Variants in DENND2A observed in about 807,000 individuals in gnomAD.
DENND2A encodes the protein DENN domain containing 2A.
Under a neutral mutation model 105.3 loss-of-function variants are expected in DENND2A, and 53 were observed. The observed-to-expected ratio is 0.50, with a 90% CI of 0.40 to 0.63. DENND2A has a LOEUF of 0.63. DENND2A is among the 30% of genes least tolerant of loss of function. The pLI is 0.00. For missense variants in DENND2A, 1,138 were observed against 1,279.6 expected, an observed-to-expected ratio of 0.89 and a Z score of 1.69; for synonymous variants, 522 against 508.4, an observed-to-expected ratio of 1.03 and a Z score of -0.36.
chr7:140,533,429 CCTT>C (rs1796340004), intron 14 of DENND2A, among the ~76,000 whole-genome samples: 1 of 152,166 alleles, frequency 6.6e-6, no homozygotes, highest in African/African-American at 2.4e-5. Context: ...CCCTATGTTG[CCTT>C]CAGTGACAGA....
chr7:140,519,813 T>C (rs556845461), intron 18 of DENND2A, 95 bp from the exon 19 acceptor site: 1 of 1,112,744 alleles, frequency 9.0e-7, no homozygotes, highest in African/African-American at 1.5e-5. Context: ...AGAAACCTTG[T>C]TTCTGAGACT....
chr7:140,527,194 C>A lies in DENND2A; in HGVS notation c.2505+124G>T, dbSNP rs1467061873. 5.6e-6 allele frequency: 6 copies of A among 1,064,832 alleles called. No individual in the cohort carries two copies. Among genetic ancestry groups the A allele is most frequent in the Admixed American group, 3.0e-5 (1 of 33,670 alleles). 66.0% of individuals were successfully genotyped at this position (1,064,832 alleles called of 1,614,324 possible). ...ACCCATGCCAGACAAAGCCCTGGTG[C>A]CCCCACGCCCTGCTCCCCAACACTG... is the stretch of plus-strand genomic sequence containing the variant. On this transcript the variant is annotated intron_variant, in intron 15 of 19. Coordinates refer to ENST00000496613, the MANE Select transcript of DENND2A (RefSeq NM_015689.5). The surrounding 1 kb of genome is among the most constrained non-coding windows in gnomAD (Gnocchi z 4.9).
At position 140,587,796 on chromosome 7, in the gene DENND2A, T is replaced by C. The variant is rs371340218; in HGVS notation, c.996-16A>G. 1 of 1,541,026 alleles carries C rather than the reference T, an allele frequency of 6.5e-7. No homozygotes were observed. Among genetic ancestry groups the C allele is most frequent in the East Asian group, 2.4e-5 (1 of 42,034 alleles). ...ATAGGACTTTCTGGAATGTGCCAGA[T>C]GGGAGGAAAAAACAAAGAATTTGAA... On this transcript the variant is annotated splice_polypyrimidine_tract_variant and intron_variant, in intron 3 of 19. Coordinates refer to ENST00000496613, the MANE Select transcript of DENND2A (RefSeq NM_015689.5).
intron 12 of DENND2A, among the ~76,000 whole-genome samples, chr7:140,552,235 G>C (rs1270191959): frequency 6.6e-6 from 1 of 152,154 alleles, no homozygotes; most frequent in Admixed American, 6.6e-5. Context: ...AGCACTTCTG[G>C]TGGAGGGGAG....
intron 3 of DENND2A, among the ~76,000 whole-genome samples, chr7:140,599,810 A>G (rs1799418068): frequency 6.6e-6 from 1 of 152,154 alleles, no homozygotes; most frequent in African/African-American, 2.4e-5. Context: ...AAAAAAAGAA[A>G]TTATGCTATT....
At position 140,518,511 on chromosome 7, in the gene DENND2A, C is replaced by T; in HGVS notation, c.*196G>A. The T allele has an allele frequency of 4.0e-6, 2 of 494,328 alleles. No homozygotes were observed. Among genetic ancestry groups the T allele is most frequent in the Non-Finnish European group, 7.2e-6 (2 of 276,338 alleles). 30.6% of individuals were successfully genotyped at this position (494,328 alleles called of 1,614,324 possible). On this transcript the variant is annotated 3_prime_UTR_variant, in exon 20 of 20. Transcript: ENST00000496613. ...TGTCGGCGACACGCCTGGTCTCGGGCTCCCTTTCTGGGGCTGTCCTCCCAG... is the reference window on the plus strand; with the variant it reads ...TGTCGGCGACACGCCTGGTCTCGGGTTCCCTTTCTGGGGCTGTCCTCCCAG...
intron 1 of DENND2A, among the ~76,000 whole-genome samples, chr7:140,612,858 T>C (rs1313553101): frequency 6.6e-6 from 1 of 151,870 alleles, no homozygotes; most frequent in Non-Finnish European, 1.5e-5. Context: ...CTCACACCTG[T>C]AATCCCAGCA....
intron 1 of DENND2A, among the ~76,000 whole-genome samples, chr7:140,610,451 G>T (rs1305779817): frequency 5.9e-5 from 9 of 152,094 alleles, no homozygotes; most frequent in Non-Finnish European, 2.9e-5. Flanking sequence ...GAGATCAAGA[G>T]ATCTCATAGT....
intron 9 of DENND2A, among the ~76,000 whole-genome samples, chr7:140,563,772 G>A (rs1344786874): frequency 2.0e-5 from 3 of 148,918 alleles, no homozygotes; most frequent in African/African-American, 5.0e-5. Context: ...TCAGGAATTC[G>A]AGGCCAGCCT....
At chr7:140,602,756 T>C (rs1157400532) in intron 2 of DENND2A, among the ~76,000 whole-genome samples, 1 of 149,870 alleles carries the variant, frequency 6.7e-6, no homozygotes, top group African/African-American at 2.5e-5. Context: ...GAGGATCACT[T>C]GAGGCCAGGA....
chr7:140,534,517 T>G (rs1162579842), intron 14 of DENND2A, among the ~76,000 whole-genome samples: 3 of 152,236 alleles, frequency 2.0e-5, no homozygotes, highest in Non-Finnish European at 4.4e-5. Context: ...TGGATGGAGC[T>G]TGTTTCTCTC....
Position 140,573,811 on chromosome 7 carries a change from G to C in DENND2A, c.1443C>G (p.Pro481=). 2 of 1,613,308 alleles carry C rather than the reference G, an allele frequency of 1.2e-6. No individual in the cohort carries two copies. The highest frequency in any genetic ancestry group is 1.7e-6 in the Non-Finnish European group (2 of 1,179,562). ...PQNGRKKRKI[P]KLVLRINAIY... ...TGAAGCTTGTTGCCACCATTACCTT[G>C]GGTATCTTTCTCTTCTTCCTGCCGT... is the stretch of plus-strand genomic sequence containing the variant. Residue 481 remains proline, a synonymous_variant, in exon 6 of 20, where the codon CCC becomes CCG. Transcript: ENST00000496613.
intron 1 of DENND2A, among the ~76,000 whole-genome samples, chr7:140,607,228 C>T (rs1025091146): frequency 6.6e-6 from 1 of 152,150 alleles, no homozygotes; most frequent in Non-Finnish European, 1.5e-5. Flanking sequence ...CCTGGGCATC[C>T]TCTCCCTCCC....
chr7:140,637,963 CA>C (rs1176662346), intron 1 of DENND2A, among the ~76,000 whole-genome samples: 45 of 152,300 alleles, frequency 3.0e-4, no homozygotes, highest in Admixed American at 2.3e-3. Context: ...TCTGAGATGA[CA>C]CCCAGTCCTC....
intron 9 of DENND2A, among the ~76,000 whole-genome samples, chr7:140,561,549 G>T (rs796412787): frequency 9.6e-4 from 140 of 146,318 alleles, no homozygotes; most frequent in Middle Eastern, 7.0e-3. Flanking sequence ...GCCCAGGCTG[G>T]AGTGCAGTGG....
At chr7:140,578,904 A>G (rs142584572) in intron 5 of DENND2A, among the ~76,000 whole-genome samples, 455 of 152,318 alleles carry the variant, frequency 3.0e-3, no homozygotes, top group Non-Finnish European at 5.4e-3. Flanking sequence ...AAAGGCTTAC[A>G]AGGGCATTCT....
intron 12 of DENND2A, among the ~76,000 whole-genome samples, chr7:140,549,610 T>C (rs1797037201): frequency 6.6e-6 from 1 of 152,206 alleles, no homozygotes; most frequent in Non-Finnish European, 1.5e-5. Context: ...ATGTTAACTA[T>C]ATGCTGAAAT....
chr7:140,544,045 C>A (rs1187307912), intron 14 of DENND2A: 1 of 166,946 alleles, frequency 6.0e-6, no homozygotes, highest in African/African-American at 2.4e-5. Context: ...GCACGAGCCA[C>A]CATGACTGGC....
intron 1 of DENND2A, among the ~76,000 whole-genome samples, chr7:140,610,623 T>C (rs1799861382): frequency 6.6e-6 from 1 of 152,172 alleles, no homozygotes; most frequent in African/African-American, 2.4e-5. Flanking sequence ...AATTCTAAAA[T>C]GTCAAGTCAT....
Sources: allele counts gnomAD v4.1 joint callset (sites outside exome capture counted in the v4.1 genomes callset), GRCh38; gene constraint gnomAD v4.1.1; non-coding constraint Gnocchi (gnomAD v3.1); transcripts MANE v1.5; gene names NCBI Gene and HGNC (gene_info 2026-07-23, HGNC 2026-07-21).